The following CBFA2T3 variants were observed in gnomAD, a reference collection of about 807,000 sequenced individuals.
The protein encoded by CBFA2T3 is CBFA2/RUNX1 partner transcriptional co-repressor 3, also known as transcriptional corepressor CBFA2T3.
Under a neutral mutation model 58.6 loss-of-function variants are expected in CBFA2T3, and 31 were observed. That is an observed-to-expected ratio of 0.53 (90% CI 0.40 to 0.71). The LOEUF (loss-of-function observed/expected upper bound fraction) is 0.71, where lower values mean the gene tolerates loss of function less well. Among genes scored for constraint, CBFA2T3 ranks in the 30% least tolerant of loss-of-function variants. The probability of loss-of-function intolerance (pLI) is 0.00; values close to 1 mark genes in which losing one functional copy is unlikely to be tolerated. For synonymous variants in CBFA2T3, 531 were observed against 421.9 expected, an observed-to-expected ratio of 1.26 and a Z score of -3.17; for missense variants, 1,076 against 963.1, an observed-to-expected ratio of 1.12 and a Z score of -1.55.
At chr16:88,922,160 G>C (rs941690069) in intron 1 of CBFA2T3, among the ~76,000 whole-genome samples, 1 of 152,228 alleles carries the variant, frequency 6.6e-6, no homozygotes, top group African/African-American at 2.4e-5. Context: ...GGGTACTTCC[G>C]GTCTAAGGGC....
At chr16:88,898,884 G>C (rs1043294899) in intron 2 of CBFA2T3, among the ~76,000 whole-genome samples, 2 of 152,232 alleles carry the variant, frequency 1.3e-5, no homozygotes, top group Non-Finnish European at 2.9e-5. Context: ...AAGAAAGATT[G>C]AATTTGTTCG....
chr16:88,959,947 T>C (rs77683159), intron 1 of CBFA2T3, among the ~76,000 whole-genome samples: 94 of 152,224 alleles, frequency 6.2e-4, no homozygotes, highest in African/African-American at 2.2e-3. Flanking sequence ...GAGAATCACT[T>C]GAACGCAGGA....
chr16:88,884,875 G>T, intron 7 of CBFA2T3, 171 bp downstream of exon 7: 1 of 575,560 alleles, frequency 1.7e-6, no homozygotes, highest in Non-Finnish European at 3.0e-6. Context: ...AGGCCCCTCT[G>T]CAGCCACCGC....
chr16:88,901,669 G>A lies in CBFA2T3; in HGVS notation c.152-13C>T. ...CTGTCCACTGGGGCTGCGACCAACG[G>A]AGAAAGAAAGAGTCGGTGAAGCAGG... On this transcript the variant is annotated splice_polypyrimidine_tract_variant and intron_variant, in intron 1 of 11. Coordinates refer to ENST00000268679, the MANE Select transcript of CBFA2T3 (RefSeq NM_005187.6). 2 of 1,519,770 alleles carry A rather than the reference G, an allele frequency of 1.3e-6. No individual in the cohort carries two copies. Among genetic ancestry groups the A allele is most frequent in the Non-Finnish European group, 8.7e-7 (1 of 1,147,810 alleles). 94.1% of individuals were successfully genotyped at this position (1,519,770 alleles called of 1,614,324 possible).
chr16:88,935,120 C>T (rs1207548647), intron 1 of CBFA2T3, among the ~76,000 whole-genome samples: 2 of 152,212 alleles, frequency 1.3e-5, no homozygotes, highest in East Asian at 3.8e-4. Flanking sequence ...TACGTGGAGT[C>T]CAGCACCCAA....
intron 1 of CBFA2T3, among the ~76,000 whole-genome samples, chr16:88,944,080 G>A (rs961956883): frequency 3.3e-5 from 5 of 152,138 alleles, no homozygotes; most frequent in African/African-American, 1.2e-4. Context: ...GGTCACGCCT[G>A]TAGTCCCAGC....
At chr16:88,889,360 G>A (rs1294327694) in intron 5 of CBFA2T3, among the ~76,000 whole-genome samples, 1 of 131,344 alleles carries the variant, frequency 7.6e-6, no homozygotes, top group Non-Finnish European at 1.6e-5. Flanking sequence ...GGGAGGACTG[G>A]GGCAGCGGAG....
In CBFA2T3 at chr16:88,896,353, G is replaced by A. The variant is rs140270948; in HGVS notation, c.379+1725C>T. Among the ~76,000 whole-genome samples, 289 of 152,304 alleles carry A rather than the reference G, an allele frequency of 1.9e-3. 1 individual carries two copies. Among genetic ancestry groups the A allele is most frequent in the African/African-American group, 6.6e-3 (273 of 41,550 alleles). On this transcript the variant is annotated intron_variant, in intron 3 of 11. Transcript: ENST00000268679. Reference sequence around the variant, plus strand: ...GCCTGTCTGCGCCCCTGGCTTGAACGATCTTAGCAGCGCCTTCCTGGGCTC... The same window carrying A: ...GCCTGTCTGCGCCCCTGGCTTGAACAATCTTAGCAGCGCCTTCCTGGGCTC...
chr16:88,899,799 C>T (rs1376471367), intron 2 of CBFA2T3, among the ~76,000 whole-genome samples: 1 of 152,214 alleles, frequency 6.6e-6, no homozygotes, highest in East Asian at 1.9e-4. Context: ...GCACTGCGCC[C>T]ATGGCCGGGT....
chr16:88,912,553 G>A (rs1452155170), intron 1 of CBFA2T3, among the ~76,000 whole-genome samples: 2 of 152,134 alleles, frequency 1.3e-5, no homozygotes, highest in Non-Finnish European at 2.9e-5. Context: ...CTGCCCCCAC[G>A]CTCTCTGCCC....
chr16:88,879,735 G>C (rs1261400644), intron 10 of CBFA2T3: 1 of 434,652 alleles, frequency 2.3e-6, no homozygotes, highest in African/African-American at 2.0e-5. Context: ...TGCAAAGCTG[G>C]GTCACGTGGT....
intron 1 of CBFA2T3, among the ~76,000 whole-genome samples, chr16:88,972,338 G>C (rs368241662): frequency 2.0e-5 from 3 of 152,130 alleles, no homozygotes; most frequent in African/African-American, 4.8e-5. Flanking sequence ...GAGATAGTTG[G>C]GGGGGAGTCA....
rs375668915 is a variant in CBFA2T3 at position 88,889,264 on chromosome 16, C to T, written c.711+2618G>A. 1.8e-4 allele frequency among the ~76,000 whole-genome samples: 25 copies of T among 137,038 alleles called. No individual in the cohort carries two copies. The East Asian group carries it at 5.4e-3, about 30-fold the overall frequency. The allele number at this position is 137,038 out of a possible 152,430, so 89.9% of individuals were successfully genotyped here. On this transcript the variant is annotated intron_variant, in intron 5 of 11. Transcript: ENST00000268679. ...ATCTGGGAGCATGAGCACAGCAGGG[C>T]GTGGGAGGGGGCGGAGGAAGGCGGG...
intron 1 of CBFA2T3, among the ~76,000 whole-genome samples, chr16:88,934,972 C>A (rs1248106850): frequency 6.6e-6 from 1 of 152,182 alleles, no homozygotes; most frequent in African/African-American, 2.4e-5. Flanking sequence ...GATCTCCTGA[C>A]CTCGTGATCC....
chr16:88,896,945 C>T (rs1363858306), intron 3 of CBFA2T3, among the ~76,000 whole-genome samples: 4 of 152,240 alleles, frequency 2.6e-5, no homozygotes, highest in East Asian at 1.9e-4. Context: ...AAAATAACCC[C>T]GGCACAAGCG....
chr16:88,949,964 G>T (rs1025089373), intron 1 of CBFA2T3, among the ~76,000 whole-genome samples: 10 of 151,758 alleles, frequency 6.6e-5, no homozygotes, highest in Non-Finnish European at 1.3e-4. Context: ...AGCCAAAATG[G>T]TGCCACTGCA....
intron 1 of CBFA2T3, chr16:88,937,084 C>G (rs564243261): frequency 2.0e-5 from 3 of 152,370 alleles, no homozygotes; most frequent in Admixed American, 6.5e-5. Context: ...CAGGCCTGCC[C>G]GGTGGGCTGT....
At chr16:88,969,800 G>A (rs887270728) in intron 1 of CBFA2T3, among the ~76,000 whole-genome samples, 4 of 152,236 alleles carry the variant, frequency 2.6e-5, no homozygotes, top group African/African-American at 9.6e-5. Context: ...AGGGCACCGT[G>A]GACCCGGTCC....
chr16:88,954,169 G>T (rs1010613964), intron 1 of CBFA2T3, among the ~76,000 whole-genome samples: 24 of 152,032 alleles, frequency 1.6e-4, no homozygotes, highest in Non-Finnish European at 2.6e-4. Context: ...GGCTCCCCCA[G>T]CCACCACGAT....
Sources: gnomAD v4.1 joint callset for allele counts (sites outside exome capture counted in the v4.1 genomes callset) on GRCh38, gnomAD v4.1.1 for gene constraint, MANE v1.5 for transcripts, NCBI Gene and HGNC (gene_info 2026-07-23, HGNC 2026-07-21) for gene names.